The following C19orf47 variants were observed in gnomAD, a reference collection of about 807,000 sequenced individuals.
C19orf47 encodes the protein uncharacterized protein C19orf47.
Under a neutral mutation model 32.3 loss-of-function variants are expected in C19orf47, and 18 were observed. That is an observed-to-expected ratio of 0.56 (90% CI 0.39 to 0.83). C19orf47 has a LOEUF of 0.83. C19orf47 is among the 40% of genes least tolerant of loss of function. C19orf47 has a pLI of 0.00. For synonymous variants in C19orf47, 202 were observed against 211.1 expected, an observed-to-expected ratio of 0.96 and a Z score of 0.37; for missense variants, 484 against 531.6, an observed-to-expected ratio of 0.91 and a Z score of 0.88.
chr19:40,344,214 C>T lies in C19orf47; in HGVS notation c.-33-2324G>A, dbSNP rs1030205136. 4.6e-5 allele frequency among the ~76,000 whole-genome samples: 7 copies of T among 151,960 alleles called. No homozygotes were observed. The South Asian group carries it at 1.5e-3, about 32-fold the overall frequency. On this transcript the variant is annotated intron_variant, in intron 1 of 8. Coordinates refer to ENST00000683109, the MANE Select transcript of C19orf47 (RefSeq NM_001256441.2). The stretch of plus-strand genomic sequence containing the variant: ...ACAATACAGGCCAGGAGCAGTGGCT[C>T]GTGCCTGTAATCCCAGCACTTTGGG...
intron 4 of C19orf47, 128 bp downstream of exon 4, chr19:40,335,982 C>T: frequency 1.3e-6 from 1 of 753,626 alleles, no homozygotes; most frequent in Non-Finnish European, 2.2e-6. Flanking sequence ...CGTCACACAG[C>T]AAATGGCTGA....
the C19orf47 span, among the ~76,000 whole-genome samples, chr19:40,298,548 T>C: frequency 1.3e-5 from 2 of 152,190 alleles, no homozygotes; most frequent in South Asian, 2.1e-4. Context: ...CATGTCCTGT[T>C]TCATACTGAA....
At position 40,321,472 on chromosome 19, in the gene C19orf47, G is replaced by A. The variant is rs1176012828; in HGVS notation, c.*410C>T. 2 of 1,013,546 alleles carry A rather than the reference G, an allele frequency of 2.0e-6. No homozygotes were observed. The highest frequency in any genetic ancestry group is 5.0e-4 in the Middle Eastern group (1 of 2,004). 62.8% of individuals were successfully genotyped at this position (1,013,546 alleles called of 1,614,324 possible). Reference sequence around the variant, plus strand: ...GAGGTCAGTGGGGAGTGGGGGAAGGGAGGCCCACCAGGTGACACCCACTTA... The same window carrying A: ...GAGGTCAGTGGGGAGTGGGGGAAGGAAGGCCCACCAGGTGACACCCACTTA... On this transcript the variant is annotated 3_prime_UTR_variant, in exon 9 of 9. Coordinates refer to ENST00000683109, the MANE Select transcript of C19orf47 (RefSeq NM_001256441.2).
intron 2 of C19orf47, chr19:40,339,285 A>G (rs1037432176): frequency 3.3e-5 from 5 of 152,454 alleles, no homozygotes; most frequent in African/African-American, 1.2e-4. Flanking sequence ...TATGCAGCCA[A>G]TTAAACTGTC....
At chr19:40,304,687 G>A in the C19orf47 span, among the ~76,000 whole-genome samples, 1 of 151,910 alleles carries the variant, frequency 6.6e-6, no homozygotes, top group African/African-American at 2.4e-5. Flanking sequence ...ATATATTGTG[G>A]GGCTCCTGTG....
In C19orf47 at chr19:40,322,202, C is replaced by T; in HGVS notation, c.838G>A (p.Ala280Thr). The change falls in exon 9 of 9, where the codon GCC (alanine) becomes ACC (threonine). Residue 280 changes from alanine (A) to threonine (T), a missense_variant. Ala to Thr is a moderately conservative substitution (Grantham distance 58, BLOSUM62 0). Around this residue, in one of 3 missense-constraint regions of C19orf47, gnomAD observed 376 missense variants for 370.2 expected, o/e 1.02. Coordinates refer to ENST00000683109, the MANE Select transcript of C19orf47 (RefSeq NM_001256441.2). The stretch of plus-strand genomic sequence containing the variant: ...GCAGCCGTTGTCGCTGAGCTTGTGG[C>T]CTTGGCTTTGACAGTCAGTGCTGGC... ...PQPALTVKAK[A>T]TSSATTAAAP... 6.2e-7 allele frequency: 1 copy of T among 1,611,152 alleles called. No individual in the cohort carries two copies. The highest frequency in any genetic ancestry group is 8.5e-7 in the Non-Finnish European group (1 of 1,179,960).
chr19:40,302,364 A>T, the C19orf47 span, among the ~76,000 whole-genome samples: 1 of 152,166 alleles, frequency 6.6e-6, no homozygotes, highest in East Asian at 1.9e-4. Flanking sequence ...CCCCAGGCTC[A>T]GATGATCCTT....
At chr19:40,307,463 A>G in the C19orf47 span, among the ~76,000 whole-genome samples, 1 of 152,062 alleles carries the variant, frequency 6.6e-6, no homozygotes, top group East Asian at 1.9e-4. Context: ...CAGTGGCATG[A>G]GCTCGGCTCA....
intron 4 of C19orf47, among the ~76,000 whole-genome samples, chr19:40,334,608 C>T (rs1007219109): frequency 2.0e-5 from 3 of 151,898 alleles, no homozygotes; most frequent in South Asian, 2.1e-4. Context: ...ACTAGCTGGG[C>T]ATGGTGGCGC....
At chr19:40,310,389 G>GCT in the C19orf47 span, among the ~76,000 whole-genome samples, 1 of 152,144 alleles carries the variant, frequency 6.6e-6, no homozygotes, top group Non-Finnish European at 1.5e-5. Context: ...AGCGATTCTC[G>GCT]TGCCTCAGCC....
In C19orf47 at chr19:40,321,995, T is replaced by G. The variant is rs1285779208; in HGVS notation, c.1045A>C (p.Lys349Gln). Reference sequence around the variant, plus strand: ...CCCCGGGGCCCCACCAGAGTCCTCTTAATGGTGACCTTGACCTCGGCTGAG... The same window carrying G: ...CCCCGGGGCCCCACCAGAGTCCTCTGAATGGTGACCTTGACCTCGGCTGAG... ...KSSAEVKVTI[K>Q]RTLVGPRGSS... The change falls in exon 9 of 9, where the codon AAG becomes CAG. Residue 349 changes from lysine (K) to glutamine (Q), a missense_variant. This residue lies in a region of C19orf47 where 51 missense variants were observed against 74.5 expected (regional missense o/e 0.68). Transcript: ENST00000683109. The G allele has an allele frequency of 6.2e-7, 1 of 1,613,934 alleles. No homozygotes were observed. The highest frequency in any genetic ancestry group is 1.3e-5 in the African/African-American group (1 of 74,940).
At chr19:40,338,376 T>C (rs909096516) in intron 2 of C19orf47, among the ~76,000 whole-genome samples, 1 of 150,250 alleles carries the variant, frequency 6.7e-6, no homozygotes, top group Non-Finnish European at 1.5e-5. Flanking sequence ...TACATATATA[T>C]ATATACACAT....
chr19:40,294,782 A>G, the C19orf47 span, among the ~76,000 whole-genome samples: 1 of 152,212 alleles, frequency 6.6e-6, no homozygotes, highest in East Asian at 1.9e-4. Flanking sequence ...CTGGAAGCCC[A>G]CGATGCAGTG....
At chr19:40,325,265 G>A (rs937453645) in intron 7 of C19orf47, among the ~76,000 whole-genome samples, 13 of 147,122 alleles carry the variant, frequency 8.8e-5, no homozygotes, top group South Asian at 6.4e-4. Flanking sequence ...GCAAGACTCC[G>A]TTTCAAAAAA....
Position 40,348,224 on chromosome 19 carries a change from C to T in C19orf47, c.-34+100G>A, listed in dbSNP as rs1568635617. 1.8e-5 allele frequency: 14 copies of T among 786,512 alleles called. 1 individual carries two copies. In the South Asian group the frequency reaches 3.5e-4, roughly 19 times the overall value. 48.7% of individuals were successfully genotyped at this position (786,512 alleles called of 1,614,324 possible). On this transcript the variant is annotated intron_variant, in intron 1 of 8. Transcript: ENST00000683109. ...GGCTCAAAGAAACAAATCGTAAGTC[C>T]GAAGCCGTACAACGGAGCCCGAACT... is the stretch of plus-strand genomic sequence containing the variant.
intron 6 of C19orf47, 90 bp downstream of exon 6, chr19:40,328,323 C>T (rs1481115375): frequency 1.3e-6 from 2 of 1,553,458 alleles, no homozygotes; most frequent in African/African-American, 2.8e-5. Context: ...CTTCAAAGCA[C>T]CTTACAATAT....
rs778657745 is a variant in C19orf47 at position 40,336,357 on chromosome 19, G to A, written c.70C>T (p.Pro24Ser). The A allele has an allele frequency of 1.1e-5, 17 of 1,614,194 alleles. No homozygotes were observed. Among genetic ancestry groups the A allele is most frequent in the Non-Finnish European group, 1.4e-5 (16 of 1,180,046 alleles). ...AACATCACGGCATAATTGACGGCAG[G>A]TCCTGGAGGAATGCCGGCTTCCTTA... ...FFKEAGIPPG[P>S]AVNYAVMFVD... Residue 24 changes from proline to serine, a missense_variant, in exon 3 of 9, where the codon CCT becomes TCT. By Grantham distance (74) the Pro-to-Ser change is moderately conservative (BLOSUM62 -1). This residue lies in a region of C19orf47 where 57 missense variants were observed against 86.9 expected (regional missense o/e 0.66). Transcript: ENST00000683109.
At chr19:40,315,496 A>G (rs1451644372), downstream of C19orf47, among the ~76,000 whole-genome samples, 2 of 152,050 alleles carry the variant, frequency 1.3e-5, no homozygotes, top group East Asian at 3.9e-4. Context: ...AAAAAAAACA[A>G]CTGGCCGGGC....
At chr19:40,317,728 G>GT (rs760108426), downstream of C19orf47, among the ~76,000 whole-genome samples, 538 of 142,966 alleles carry the variant, frequency 3.8e-3, 5 homozygotes, top group Middle Eastern at 7.1e-3. Flanking sequence ...TTTTTTTTTT[G>GT]TTTTTTTTTT....
Sources: allele counts gnomAD v4.1 joint callset (sites outside exome capture counted in the v4.1 genomes callset), GRCh38; gene constraint gnomAD v4.1.1; regional missense constraint gnomAD v4.1.1; transcripts MANE v1.5; gene names NCBI Gene and HGNC (gene_info 2026-07-23, HGNC 2026-07-21).